Variants in DPP6 observed in about 807,000 individuals in gnomAD.
The protein encoded by DPP6 is A-type potassium channel modulatory protein DPP6.
In DPP6, 69 loss-of-function variants were observed where a neutral mutation model predicts 122.6. The observed-to-expected ratio is 0.56, with a 90% CI of 0.46 to 0.69. The LOEUF (loss-of-function observed/expected upper bound fraction) is 0.69, where lower values mean the gene tolerates loss of function less well. Ranked by LOEUF, DPP6 falls within the 30% of genes least tolerant of loss-of-function variation. The pLI is 0.00. For missense variants in DPP6, 928 were observed against 1,116.9 expected, an observed-to-expected ratio of 0.83 and a Z score of 2.41; for synonymous variants, 418 against 433.1, an observed-to-expected ratio of 0.97 and a Z score of 0.43.
At chr7:154,120,224 CTTCCTGCATCATT>C (rs1222145583) in intron 1 of DPP6, among the ~76,000 whole-genome samples, 1 of 151,378 alleles carries the variant, frequency 6.6e-6, no homozygotes, top group Admixed American at 6.6e-5. Context: ...ATTCGTCATT[CTTCCTGCATCATT>C]TTCTCTCTTC....
chr7:154,423,106 C>G (rs1817616467), intron 1 of DPP6, among the ~76,000 whole-genome samples: 1 of 152,060 alleles, frequency 6.6e-6, no homozygotes, highest in East Asian at 1.9e-4. Context: ...CAAAGATAAA[C>G]AAGGCATGAC....
intron 1 of DPP6, among the ~76,000 whole-genome samples, chr7:154,382,231 A>AGGCTGGAGTGCAGTGCTGCAATCTT (rs1280394211): frequency 6.6e-6 from 1 of 151,984 alleles, no homozygotes; most frequent in Non-Finnish European, 1.5e-5. Flanking sequence ...TCTGTCACCC[A>AGGCTGGAGTGCAGTGCTGCAATCTT]GGCTGGAGTG....
chr7:154,645,207 A>C (rs1383382893), intron 6 of DPP6, among the ~76,000 whole-genome samples: 1 of 151,496 alleles, frequency 6.6e-6, no homozygotes, highest in Admixed American at 6.6e-5. Flanking sequence ...CTGGGACTAC[A>C]GGCGCCCACC....
the DPP6 span, among the ~76,000 whole-genome samples, chr7:153,808,922 A>T: frequency 6.6e-6 from 1 of 152,058 alleles, no homozygotes; most frequent in African/African-American, 2.4e-5. Flanking sequence ...TGGAATTGCT[A>T]GATCATATGG....
chr7:154,532,137 A>C (rs1350968750), intron 3 of DPP6, among the ~76,000 whole-genome samples: 4 of 152,144 alleles, frequency 2.6e-5, no homozygotes, highest in African/African-American at 9.6e-5. Flanking sequence ...ACTGAAATAT[A>C]TACAGAGTAT....
intron 1 of DPP6, among the ~76,000 whole-genome samples, chr7:154,435,201 A>G (rs1818756101): frequency 6.6e-6 from 1 of 152,074 alleles, no homozygotes; most frequent in African/African-American, 2.4e-5. Context: ...AGAGTGGCAG[A>G]GGGACATTGA....
chr7:154,339,676 A>G (rs1173753713), intron 1 of DPP6, among the ~76,000 whole-genome samples: 2 of 152,034 alleles, frequency 1.3e-5, no homozygotes, highest in African/African-American at 2.4e-5. Flanking sequence ...GGAAGTTTGC[A>G]GCTGGTAAAT....
chr7:153,805,697 T>G, the DPP6 span, among the ~76,000 whole-genome samples: 1 of 152,154 alleles, frequency 6.6e-6, no homozygotes, highest in East Asian at 1.9e-4. Context: ...TTCATGTCCT[T>G]TGTAGGGACA....
At chr7:153,886,900 G>C (rs1039142004), upstream of DPP6, among the ~76,000 whole-genome samples, 1 of 152,116 alleles carries the variant, frequency 6.6e-6, no homozygotes, top group African/African-American at 2.4e-5. Flanking sequence ...CCCGGCTGCG[G>C]ACGGCGGCTC....
At chr7:154,288,178 G>T (rs1420443633) in intron 1 of DPP6, among the ~76,000 whole-genome samples, 1 of 152,204 alleles carries the variant, frequency 6.6e-6, no homozygotes, top group Non-Finnish European at 1.5e-5. Context: ...GGTCATTCCT[G>T]ATTCCTCCTC....
the DPP6 span, among the ~76,000 whole-genome samples, chr7:153,783,620 G>A: frequency 1.2e-4 from 18 of 151,954 alleles, no homozygotes; most frequent in Non-Finnish European, 2.4e-4. Context: ...AGATATGGAA[G>A]TTGAAAAATG....
chr7:153,842,659 A>G, the DPP6 span, among the ~76,000 whole-genome samples: 1 of 152,216 alleles, frequency 6.6e-6, no homozygotes, highest in Non-Finnish European at 1.5e-5. Context: ...GAAGGATGAG[A>G]TAGAGCTTAA....
chr7:154,780,847 G>A (rs1389680538), intron 10 of DPP6, among the ~76,000 whole-genome samples: 2 of 152,206 alleles, frequency 1.3e-5, no homozygotes, highest in Non-Finnish European at 2.9e-5. Flanking sequence ...GTGATGAATA[G>A]ATGGATGGGT....
intron 1 of DPP6, among the ~76,000 whole-genome samples, chr7:154,215,121 A>G (rs1181363416): frequency 1.3e-5 from 2 of 152,202 alleles, no homozygotes; most frequent in African/African-American, 4.8e-5. Flanking sequence ...ATTCACTCAC[A>G]GTTCTACATG....
At chr7:154,772,989 T>TG (rs753706366) in intron 10 of DPP6, 47 bp downstream of exon 10, 2 of 1,491,818 alleles carry the variant, frequency 1.3e-6, no homozygotes, top group South Asian at 1.4e-5. Context: ...AAAACTAAGA[T>TG]GAATGTTCAA....
At chr7:154,587,632 C>T in intron 5 of DPP6, 1 of 1,534,788 alleles carries the variant, frequency 6.5e-7, no homozygotes. Context: ...ATGATTCTGC[C>T]CATCTCCCAC....
At chr7:153,885,886 C>CAATGTAATTACATGTAATTACATGTAATT (rs1175793086), upstream of DPP6, among the ~76,000 whole-genome samples, 9 of 152,144 alleles carry the variant, frequency 5.9e-5, no homozygotes, top group East Asian at 1.7e-3. Context: ...TATATTAATA[C>CAATGTAATTACATGTAATTACATGTAATT]ATAATGTATC....
At chr7:153,903,268 G>T (rs764397340) in intron 1 of DPP6, among the ~76,000 whole-genome samples, 2 of 152,208 alleles carry the variant, frequency 1.3e-5, no homozygotes, top group Non-Finnish European at 2.9e-5. Flanking sequence ...TGGCTAAGGA[G>T]CAGCCATAGG....
intron 1 of DPP6, among the ~76,000 whole-genome samples, chr7:154,101,935 C>CAAAAAA (rs915468915): frequency 6.6e-4 from 27 of 40,804 alleles, no homozygotes; most frequent in African/African-American, 1.3e-3. Context: ...TACTCCATCT[C>CAAAAAA]AAAAAAAAAA....
Sources: gnomAD v4.1 joint callset for allele counts (sites outside exome capture counted in the v4.1 genomes callset) on GRCh38, gnomAD v4.1.1 for gene constraint, MANE v1.5 for transcripts, NCBI Gene and HGNC (gene_info 2026-07-23, HGNC 2026-07-21) for gene names.